The following GREB1L variants were observed in gnomAD, a reference collection of about 807,000 sequenced individuals.
GREB1L encodes GREB1-like protein.
A neutral mutation model predicts 200.8 loss-of-function variants in GREB1L; 17 were observed. That is an observed-to-expected ratio of 0.08 (90% CI 0.06 to 0.13). GREB1L has a LOEUF of 0.13. Ranked by LOEUF, GREB1L falls within the 10% of genes least tolerant of loss-of-function variation. The probability of loss-of-function intolerance (pLI) is 1.00; values close to 1 mark genes in which losing one functional copy is unlikely to be tolerated. For synonymous variants in GREB1L, 789 were observed against 893.0 expected (o/e 0.88, Z 2.08); for missense variants, 1,657 against 2,367.7 (o/e 0.70, Z 6.23).
chr18:21,468,172 T>C (rs2035340733), intron 15 of GREB1L, among the ~76,000 whole-genome samples: 2 of 151,958 alleles, frequency 1.3e-5, no homozygotes, highest in Non-Finnish European at 2.9e-5. Context: ...ATAAATAAAA[T>C]GTGGTATATC....
chr18:21,387,581 G>A (rs371415286), intron 4 of GREB1L: 3 of 152,242 alleles, frequency 2.0e-5, no homozygotes, highest in African/African-American at 7.2e-5. Flanking sequence ...AGATCTTCTC[G>A]TAGCCTCTAA....
At chr18:21,271,855 A>G (rs1253471803) in intron 1 of GREB1L, among the ~76,000 whole-genome samples, 2 of 152,086 alleles carry the variant, frequency 1.3e-5, no homozygotes, top group South Asian at 2.1e-4. Context: ...ACTGGGCTGC[A>G]TGACCATCCC....
chr18:21,470,109 A>G (rs951737220), intron 15 of GREB1L, among the ~76,000 whole-genome samples: 5 of 150,854 alleles, frequency 3.3e-5, no homozygotes, highest in Non-Finnish European at 7.4e-5. Flanking sequence ...ACATAGTGAG[A>G]CCCCCATTTC....
chr18:21,372,500 T>G (rs1239932022), intron 2 of GREB1L, among the ~76,000 whole-genome samples: 2 of 152,174 alleles, frequency 1.3e-5, no homozygotes, highest in Non-Finnish European at 2.9e-5. Flanking sequence ...TTTGCAATTT[T>G]TTTTGTTTTG....
At chr18:21,256,697 C>T (rs1317039586) in intron 1 of GREB1L, among the ~76,000 whole-genome samples, 1 of 152,094 alleles carries the variant, frequency 6.6e-6, no homozygotes, top group Admixed American at 6.5e-5. Flanking sequence ...GATAATGAAT[C>T]AATGCTGCCA....
chr18:21,452,605 C>G (rs2034578644), intron 14 of GREB1L, among the ~76,000 whole-genome samples: 1 of 152,168 alleles, frequency 6.6e-6, no homozygotes, highest in Admixed American at 6.5e-5. Flanking sequence ...CCTTCACTTC[C>G]TGTCTGACTT....
intron 2 of GREB1L, among the ~76,000 whole-genome samples, chr18:21,372,496 AT>A (rs199516275): frequency 1.3e-5 from 2 of 151,482 alleles, no homozygotes; most frequent in Non-Finnish European, 2.9e-5. Flanking sequence ...TTTTTTTGCA[AT>A]TTTTTTTGTT....
At chr18:21,453,067 A>T (rs1437384384) in intron 14 of GREB1L, among the ~76,000 whole-genome samples, 1 of 152,258 alleles carries the variant, frequency 6.6e-6, no homozygotes, top group Non-Finnish European at 1.5e-5. Context: ...AAATGTGTTT[A>T]TATTAACTGT....
intron 16 of GREB1L, 45 bp downstream of exon 16, chr18:21,473,256 A>C (rs2035552197): frequency 7.4e-7 from 1 of 1,346,436 alleles, no homozygotes; most frequent in Admixed American, 3.0e-5. Flanking sequence ...TTCTACAGGA[A>C]TAATTGTTAC....
chr18:21,392,293 A>C lies in GREB1L; in HGVS notation c.356-3092A>C, dbSNP rs118056931. Among the ~76,000 whole-genome samples the C allele has an allele frequency of 5.3e-4, 80 of 152,218 alleles. 2 individuals carry two copies. In the East Asian group the frequency reaches 0.015, roughly 28 times the overall value. ...TTAGCTGCCATCATCATCATCATCA[A>C]TTCCCAACTTTCAAACCTGTGAGCC... On this transcript the variant is annotated intron_variant, in intron 4 of 32. Transcript: ENST00000424526.
intron 5 of GREB1L, among the ~76,000 whole-genome samples, chr18:21,400,449 A>G (rs2041270285): frequency 6.6e-6 from 1 of 152,152 alleles, no homozygotes; most frequent in African/African-American, 2.4e-5. Flanking sequence ...ATCTCACAGA[A>G]ACTAGAAGCT....
chr18:21,345,890 G>T (rs1390252428), intron 1 of GREB1L, among the ~76,000 whole-genome samples: 1 of 141,974 alleles, frequency 7.0e-6, no homozygotes, highest in African/African-American at 2.6e-5. Context: ...AAAAAAAAAA[G>T]TACTTACAGG....
At chr18:21,473,588 GAAAGAAAA>G (rs2035571262) in intron 16 of GREB1L, among the ~76,000 whole-genome samples, 1 of 79,180 alleles carries the variant, frequency 1.3e-5, no homozygotes. Flanking sequence ...AAAAAAAAAA[GAAAGAAAA>G]GAAAATGTGT....
Position 21,454,448 on chromosome 18 carries a change from G to A in GREB1L, c.2067G>A (p.Ala689=), listed in dbSNP as rs755833431. Residue 689 remains alanine (A), a synonymous_variant, in exon 15 of 33, where the codon GCG becomes GCA. Transcript: ENST00000424526. ...TCTTATCCCAGGTGTGTGCTATAGC[G>A]GACAGTGGCAGCCAGAGCCTGGACC... ...RKLLSQVCAI[A]DSGSQSLDLG... 46 of 1,551,350 alleles carry A rather than the reference G, an allele frequency of 3.0e-5. No homozygotes were observed. Among genetic ancestry groups the A allele is most frequent in the South Asian group, 9.5e-5 (8 of 84,038 alleles).
chr18:21,431,276 C>T (rs905640381), intron 7 of GREB1L, among the ~76,000 whole-genome samples: 4 of 152,126 alleles, frequency 2.6e-5, no homozygotes, highest in African/African-American at 9.7e-5. Flanking sequence ...CCGCCTGCCT[C>T]GGTCTCCCAA....
chr18:21,309,675 TA>T (rs770369258), intron 1 of GREB1L, among the ~76,000 whole-genome samples: 4 of 152,174 alleles, frequency 2.6e-5, no homozygotes, highest in Non-Finnish European at 5.9e-5. Flanking sequence ...TTGTCCCCTG[TA>T]ACCTGCCCTA....
intron 18 of GREB1L, among the ~76,000 whole-genome samples, chr18:21,486,978 G>A (rs2036152081): frequency 6.6e-6 from 1 of 152,252 alleles, no homozygotes; most frequent in African/African-American, 2.4e-5. Context: ...ATCCTATTCA[G>A]TAGATTATAA....
intron 4 of GREB1L, among the ~76,000 whole-genome samples, chr18:21,389,083 A>C (rs1393635899): frequency 6.6e-6 from 1 of 151,668 alleles, no homozygotes; most frequent in African/African-American, 2.4e-5. Context: ...AGGGAGTTAT[A>C]CTCCACATCC....
chr18:21,439,102 A>T (rs1260620525), intron 7 of GREB1L, among the ~76,000 whole-genome samples: 1 of 152,120 alleles, frequency 6.6e-6, no homozygotes, highest in Non-Finnish European at 1.5e-5. Context: ...AGGTAAGGGT[A>T]TAGATAAAGC....
Sources: allele counts gnomAD v4.1 joint callset (sites outside exome capture counted in the v4.1 genomes callset), GRCh38; gene constraint gnomAD v4.1.1; transcripts MANE v1.5; gene names NCBI Gene and HGNC (gene_info 2026-07-23, HGNC 2026-07-21).